The following CDC45 variants were observed in gnomAD, a reference collection of about 807,000 sequenced individuals.
CDC45 encodes the protein cell division cycle 45.
CDC45 carries 54 observed loss-of-function variants against 77.8 expected under a neutral mutation model. The observed-to-expected ratio is 0.69, with a 90% CI of 0.56 to 0.87. The LOEUF is 0.87. Among genes scored for constraint, CDC45 ranks in the 40% least tolerant of loss-of-function variants. The probability of loss-of-function intolerance (pLI) is 0.00; values close to 1 mark genes in which losing one functional copy is unlikely to be tolerated. For synonymous variants in CDC45, 260 were observed against 272.1 expected (o/e 0.96, Z 0.44); for missense variants, 649 against 721.6 (o/e 0.90, Z 1.15).
At chr22:19,501,867 G>A (rs183939801) in intron 9 of CDC45, among the ~76,000 whole-genome samples, 18 of 152,134 alleles carry the variant, frequency 1.2e-4, no homozygotes, top group African/African-American at 3.1e-4. Context: ...GGCATGTGTC[G>A]CCATGCCTGG....
intron 5 of CDC45, among the ~76,000 whole-genome samples, chr22:19,493,230 T>TGG (rs1341118197): frequency 4.0e-5 from 5 of 123,516 alleles, no homozygotes; most frequent in East Asian, 2.6e-4. Context: ...TTTGTGGGTT[T>TGG]TTTTTTTTGT....
At chr22:19,516,122 G>A (rs996109989) in intron 15 of CDC45, among the ~76,000 whole-genome samples, 3 of 152,150 alleles carry the variant, frequency 2.0e-5, no homozygotes, top group African/African-American at 7.2e-5. Context: ...GGATGGAGCA[G>A]GATGAGGCGG....
intron 13 of CDC45, among the ~76,000 whole-genome samples, chr22:19,513,293 G>T (rs1477375409): frequency 6.6e-6 from 1 of 152,336 alleles, no homozygotes; most frequent in African/African-American, 2.4e-5. Context: ...TAGAGAAAAA[G>T]ATATAAATTG....
At position 19,516,548 on chromosome 22, in the gene CDC45, C is replaced by T. The variant is rs374153183; in HGVS notation, c.1462C>T (p.Leu488=). 2.5e-6 allele frequency: 4 copies of T among 1,613,990 alleles called. No individual in the cohort carries two copies. Among genetic ancestry groups the T allele is most frequent in the Non-Finnish European group, 3.4e-6 (4 of 1,179,904 alleles). ...VCSTKNRRCK[L]LPLVMAAPLS... is the part of the protein sequence containing the mutation. ...ATAGACAAAGAACCGGCGCTGCAAA[C>T]TGCTGCCCCTGGTGATGGCTGCCCC... The change falls in exon 16 of 19, where the codon CTG becomes TTG. Residue 488 remains leucine (L), a synonymous_variant. Transcript: ENST00000263201.
At chr22:19,515,623 T>C (rs1478099595) in intron 15 of CDC45, among the ~76,000 whole-genome samples, 1 of 152,180 alleles carries the variant, frequency 6.6e-6, no homozygotes, top group African/African-American at 2.4e-5. Context: ...AAGTTGAACT[T>C]TTCTTTTGCC....
At chr22:19,510,653 C>T (rs905148273) in intron 13 of CDC45, among the ~76,000 whole-genome samples, 2 of 151,968 alleles carry the variant, frequency 1.3e-5, no homozygotes, top group African/African-American at 4.8e-5. Flanking sequence ...CTCAGCCTAC[C>T]GAGTAGCTGG....
chr22:19,504,987 C>T (rs992667797), intron 9 of CDC45: 37 of 238,916 alleles, frequency 1.5e-4, no homozygotes, highest in African/African-American at 8.2e-4. Context: ...TCTCCCCTCC[C>T]CCTGCCCTCA....
At chr22:19,494,108 G>A (rs1428093363) in intron 5 of CDC45, among the ~76,000 whole-genome samples, 1 of 152,098 alleles carries the variant, frequency 6.6e-6, no homozygotes, top group Non-Finnish European at 1.5e-5. Flanking sequence ...TTCTGCCCAT[G>A]GTGTCTGGAG....
In CDC45 at chr22:19,514,964, G is replaced by A; in HGVS notation, c.1357-1G>A. Reference sequence around the variant, plus strand: ...TCTGACCATCTGTCTCGCCTCCGCAGGGCACTCCAGATGTCATGCTGTTCT... The same window carrying A: ...TCTGACCATCTGTCTCGCCTCCGCAAGGCACTCCAGATGTCATGCTGTTCT... On this transcript the variant is annotated splice_acceptor_variant, in intron 14 of 18. Transcript: ENST00000263201. LOFTEE classifies it high-confidence loss of function. The A allele has an allele frequency of 6.2e-7, 1 of 1,614,188 alleles. No individual in the cohort carries two copies. The highest frequency in any genetic ancestry group is 8.5e-7 in the Non-Finnish European group (1 of 1,180,024).
In CDC45 at chr22:19,514,947, T is replaced by A. The variant is rs2146439519; in HGVS notation, c.1357-18T>A. 6.2e-7 allele frequency: 1 copy of A among 1,614,218 alleles called. No homozygotes were observed. The highest frequency in any genetic ancestry group is 8.5e-7 in the Non-Finnish European group (1 of 1,180,044). Reference sequence around the variant, plus strand: ...CAGCACCAGTGGCTTCGTCTGACCATCTGTCTCGCCTCCGCAGGGCACTCC... The same window carrying A: ...CAGCACCAGTGGCTTCGTCTGACCAACTGTCTCGCCTCCGCAGGGCACTCC... On this transcript the variant is annotated intron_variant, in intron 14 of 18. Transcript: ENST00000263201.
At chr22:19,492,311 A>G (rs1484917472) in intron 5 of CDC45, among the ~76,000 whole-genome samples, 4 of 151,212 alleles carry the variant, frequency 2.6e-5, no homozygotes, top group Non-Finnish European at 5.9e-5. Flanking sequence ...CTGCCAGTTC[A>G]CTAATTCTTC....
At chr22:19,503,642 T>C (rs1050176235) in intron 9 of CDC45, among the ~76,000 whole-genome samples, 43 of 152,086 alleles carry the variant, frequency 2.8e-4, no homozygotes, top group Admixed American at 2.8e-3. Flanking sequence ...CCTTCCGAAA[T>C]CAAGTTCCAA....
At position 19,505,429 on chromosome 22, in the gene CDC45, G is replaced by A. The variant is rs1027919998; in HGVS notation, c.772G>A (p.Asp258Asn). Residue 258 changes from aspartate to asparagine, a missense_variant, in exon 10 of 19, where the codon GAT becomes AAT. Asp to Asn is a conservative substitution (Grantham distance 23). Coordinates refer to ENST00000263201, the MANE Select transcript of CDC45 (RefSeq NM_003504.5). ...HVSRHNHRNE[D>N]EENTLSVDCT... ...TTCCCGCCACAACCACCGGAACGAG[G>A]ATGAGGAGAACACACTCTCCGTGGA... The A allele has an allele frequency of 1.9e-6, 3 of 1,614,026 alleles. No individual in the cohort carries two copies. Among genetic ancestry groups the A allele is most frequent in the African/African-American group, 1.3e-5 (1 of 74,934 alleles).
rs188978884 is a variant in CDC45 at position 19,498,434 on chromosome 22, G to A, written c.654-667G>A. ...CTCCTCTGAGTCCGCTGTGCGGGCTGCACCTGGCATGACCGAGCACAGTGG... is the reference window on the plus strand; with the variant it reads ...CTCCTCTGAGTCCGCTGTGCGGGCTACACCTGGCATGACCGAGCACAGTGG... On this transcript the variant is annotated intron_variant, in intron 8 of 18. Transcript: ENST00000263201. 7.7e-4 allele frequency among the ~76,000 whole-genome samples: 117 copies of A among 152,366 alleles called. 1 individual carries two copies. The highest frequency in any genetic ancestry group is 2.8e-3 in the African/African-American group (115 of 41,592).
chr22:19,499,294 G>A (rs2090298525), intron 9 of CDC45, 143 bp downstream of exon 9: 2 of 799,686 alleles, frequency 2.5e-6, no homozygotes, highest in Admixed American at 2.1e-5. Context: ...TTGGGCCCAA[G>A]CATTTGTCAC....
chr22:19,496,756 A>G (rs2090250567), intron 7 of CDC45, among the ~76,000 whole-genome samples: 1 of 152,190 alleles, frequency 6.6e-6, no homozygotes, highest in East Asian at 1.9e-4. Flanking sequence ...ATCTCACGGC[A>G]AAGGGGATCT....
chr22:19,483,814 T>A, intron 4 of CDC45, 48 bp from the exon 5 acceptor site: 4 of 1,555,296 alleles, frequency 2.6e-6, no homozygotes, highest in Non-Finnish European at 3.5e-6. Context: ...ATTGTATAGT[T>A]TTCCGTAGAA....
intron 5 of CDC45, among the ~76,000 whole-genome samples, chr22:19,489,329 T>A (rs1258821235): frequency 1.9e-4 from 27 of 143,102 alleles, no homozygotes; most frequent in African/African-American, 6.7e-4. Flanking sequence ...GGTATTGCTT[T>A]AAAAAAAAAA....
Position 19,490,989 on chromosome 22 carries a change from G to A in CDC45, c.487-3338G>A, listed in dbSNP as rs186703711. On this transcript the variant is annotated intron_variant, in intron 5 of 18. Transcript: ENST00000263201. ...ACCCCAGGTGTGTGCCACCATGCCC[G>A]GCTAATTTTTGTATTTTTAGTAGAG... Among the ~76,000 whole-genome samples, 30 of 151,646 alleles carry A rather than the reference G, an allele frequency of 2.0e-4. No individual in the cohort carries two copies. In the East Asian group the frequency reaches 5.7e-3, roughly 29 times the overall value.
Sources: allele counts gnomAD v4.1 joint callset (sites outside exome capture counted in the v4.1 genomes callset), GRCh38; gene constraint gnomAD v4.1.1; transcripts MANE v1.5; gene names NCBI Gene and HGNC (gene_info 2026-07-23, HGNC 2026-07-21).